Variants in DNM3 observed in about 807,000 individuals in gnomAD.
DNM3 encodes dynamin 3.
Under a neutral mutation model 101.6 loss-of-function variants are expected in DNM3, and 47 were observed. That is an observed-to-expected ratio of 0.46 (90% CI 0.37 to 0.59). The LOEUF (loss-of-function observed/expected upper bound fraction) is 0.59, where lower values mean the gene tolerates loss of function less well. Among genes scored for constraint, DNM3 ranks in the 20% least tolerant of loss-of-function variants. The probability of loss-of-function intolerance (pLI) is 0.00; values close to 1 mark genes in which losing one functional copy is unlikely to be tolerated. For synonymous variants in DNM3, 385 were observed against 387.9 expected, an observed-to-expected ratio of 0.99 and a Z score of 0.09; for missense variants, 849 against 1,085.7, an observed-to-expected ratio of 0.78 and a Z score of 3.06.
intron 13 of DNM3, among the ~76,000 whole-genome samples, chr1:172,101,184 A>G (rs1221980651): frequency 6.6e-6 from 1 of 152,246 alleles, no homozygotes. Flanking sequence ...ATTTGTCTTC[A>G]GAACAATCTA....
intron 1 of DNM3, among the ~76,000 whole-genome samples, chr1:171,919,918 G>T (rs1357291125): frequency 6.6e-6 from 1 of 151,988 alleles, no homozygotes; most frequent in Non-Finnish European, 1.5e-5. Flanking sequence ...CATCTCCCTA[G>T]CACTTCTTAA....
intron 15 of DNM3, among the ~76,000 whole-genome samples, chr1:172,257,209 T>C (rs1246454627): frequency 3.3e-5 from 5 of 152,086 alleles, no homozygotes; most frequent in Non-Finnish European, 7.4e-5. Flanking sequence ...TAGGCAGCTG[T>C]TATGTGCCAG....
chr1:172,107,546 T>G (rs1455557827), intron 13 of DNM3, among the ~76,000 whole-genome samples: 1 of 152,200 alleles, frequency 6.6e-6, no homozygotes, highest in Non-Finnish European at 1.5e-5. Context: ...ATTTAAGGGT[T>G]TAGCAAAAGA....
intron 2 of DNM3, among the ~76,000 whole-genome samples, chr1:171,968,610 TG>T (rs1173364958): frequency 1.3e-5 from 2 of 151,630 alleles, no homozygotes; most frequent in Non-Finnish European, 2.9e-5. Context: ...AACTTAGTGT[TG>T]GCTTGGTGGT....
At position 172,304,213 on chromosome 1, in the gene DNM3, A is replaced by AAAAAAAAAAAAAC. The variant is rs1553227989; in HGVS notation, c.1770-4506_1770-4505insAAACAAAAAAAAA. 3.1e-4 allele frequency among the ~76,000 whole-genome samples: 42 copies of AAAAAAAAAAAAAC among 133,556 alleles called. 1 individual carries two copies. The highest frequency in any genetic ancestry group is 1.4e-3 in the African/African-American group (42 of 30,056). 87.6% of individuals were successfully genotyped at this position (133,556 alleles called of 152,430 possible). On this transcript the variant is annotated intron_variant, in intron 15 of 20. Transcript: ENST00000627582. ...TACCATGCAAAAGGAAAGCAAAAAAAAAAAAAAAACAGGAGTTGCAATCCT... is the reference window on the plus strand; with the variant it reads ...TACCATGCAAAAGGAAAGCAAAAAAAAAAAAAAAAAAACAAAAAAAAACAGGAGTTGCAATCCT...
chr1:172,351,527 G>A lies in DNM3; in HGVS notation c.1894-27491G>A, dbSNP rs371269103. ...TGTTCAACATCTGTCAGCATTTTCT[G>A]CATAAACCATTGGCTCAAAAAAATT... On this transcript the variant is annotated intron_variant, in intron 17 of 20. Transcript: ENST00000627582. 3.6e-4 allele frequency among the ~76,000 whole-genome samples: 55 copies of A among 152,232 alleles called. 1 individual carries two copies. The South Asian group carries it at 0.011, about 30-fold the overall frequency.
chr1:172,089,033 G>T (rs1464322215), intron 12 of DNM3, among the ~76,000 whole-genome samples: 5 of 152,208 alleles, frequency 3.3e-5, no homozygotes, highest in Admixed American at 6.5e-5. Context: ...ACAGTGACTT[G>T]TGTGTAGTAG....
chr1:171,846,114 G>T (rs1317830497), intron 1 of DNM3, among the ~76,000 whole-genome samples: 3 of 152,082 alleles, frequency 2.0e-5, no homozygotes, highest in African/African-American at 7.2e-5. Context: ...AGTTCCCAAG[G>T]TCTATAAATA....
At chr1:171,923,860 G>A (rs1446110006) in intron 2 of DNM3, among the ~76,000 whole-genome samples, 1 of 151,954 alleles carries the variant, frequency 6.6e-6, no homozygotes, top group Non-Finnish European at 1.5e-5. Flanking sequence ...GGAGTTCTTT[G>A]CATCTGTTTT....
chr1:172,348,230 GGAGA>G (rs1362359166), intron 17 of DNM3, among the ~76,000 whole-genome samples: 2 of 152,032 alleles, frequency 1.3e-5, no homozygotes, highest in African/African-American at 4.8e-5. Context: ...GGAGGTAGGA[GGAGA>G]GAGAGAGGTT....
chr1:172,119,416 C>T (rs1017269376), intron 13 of DNM3, among the ~76,000 whole-genome samples: 1 of 152,052 alleles, frequency 6.6e-6, no homozygotes, highest in Non-Finnish European at 1.5e-5. Flanking sequence ...TACGTTTGAC[C>T]TTTCAATCCT....
At chr1:172,092,459 T>C (rs2053974718) in intron 12 of DNM3, among the ~76,000 whole-genome samples, 1 of 152,230 alleles carries the variant, frequency 6.6e-6, no homozygotes, top group African/African-American at 2.4e-5. Context: ...AAATGATTAA[T>C]ATCGATAAAG....
intron 20 of DNM3, among the ~76,000 whole-genome samples, chr1:172,389,615 A>G (rs1368062954): frequency 1.3e-5 from 2 of 152,220 alleles, no homozygotes; most frequent in Non-Finnish European, 2.9e-5. Flanking sequence ...AAAATCAGAA[A>G]TATAAAGAGG....
intron 16 of DNM3, among the ~76,000 whole-genome samples, chr1:172,318,126 A>G (rs1020713058): frequency 4.6e-5 from 7 of 152,268 alleles, no homozygotes; most frequent in African/African-American, 1.7e-4. Context: ...AACAGAACCA[A>G]AGACAAAAGC....
In DNM3 at chr1:172,009,098, GT is replaced by G. The variant is rs566646980; in HGVS notation, c.589+19951del. On this transcript the variant is annotated intron_variant, in intron 4 of 20. Coordinates refer to ENST00000627582, the MANE Select transcript of DNM3 (RefSeq NM_015569.5). ...ATATATTATATATCATATATTATAT[GT>G]ATTTATATATTATATATCATATAAT... Among the ~76,000 whole-genome samples, 30 of 130,738 alleles carry G rather than the reference GT, an allele frequency of 2.3e-4. No homozygotes were observed. The South Asian group carries it at 6.6e-3, about 29-fold the overall frequency. The allele number at this position is 130,738 out of a possible 152,430, so 85.8% of individuals were successfully genotyped here. A position where few individuals can be genotyped will look rare whatever the true frequency, so the allele number is the denominator to read the frequency against.
chr1:171,912,085 A>G (rs2039354756), intron 1 of DNM3, among the ~76,000 whole-genome samples: 2 of 152,120 alleles, frequency 1.3e-5, no homozygotes, highest in Admixed American at 6.5e-5. Context: ...TGTCCTTTCC[A>G]CATGCATTTC....
intron 14 of DNM3, among the ~76,000 whole-genome samples, chr1:172,196,884 T>G (rs1242311268): frequency 6.6e-6 from 1 of 152,168 alleles, no homozygotes; most frequent in East Asian, 1.9e-4. Flanking sequence ...GATATTTTCT[T>G]TTGCTATGCA....
chr1:172,206,378 G>T (rs967257904), intron 14 of DNM3, among the ~76,000 whole-genome samples: 1 of 152,102 alleles, frequency 6.6e-6, no homozygotes, highest in Non-Finnish European at 1.5e-5. Flanking sequence ...CTTGAAACAA[G>T]CATTGAACTG....
At chr1:172,192,165 C>T (rs890659557) in intron 14 of DNM3, among the ~76,000 whole-genome samples, 2 of 151,964 alleles carry the variant, frequency 1.3e-5, no homozygotes, top group Non-Finnish European at 2.9e-5. Context: ...TTGAGATACA[C>T]TCCATCAATA....
Sources: allele counts gnomAD v4.1 joint callset (sites outside exome capture counted in the v4.1 genomes callset), GRCh38; gene constraint gnomAD v4.1.1; transcripts MANE v1.5; gene names NCBI Gene and HGNC (gene_info 2026-07-23, HGNC 2026-07-21).